The following PPM1E variants were observed in gnomAD, a reference collection of about 807,000 sequenced individuals.
PPM1E encodes protein phosphatase 1E.
In PPM1E, 20 loss-of-function variants were observed where a neutral mutation model predicts 65.9. The ratio of observed to expected loss-of-function variants is 0.30; its 90% CI spans 0.21 to 0.44. The LOEUF (loss-of-function observed/expected upper bound fraction) is 0.44, where lower values mean the gene tolerates loss of function less well. Ranked by LOEUF, PPM1E falls within the 20% of genes least tolerant of loss-of-function variation. The pLI, the probability that PPM1E is intolerant of heterozygous loss-of-function variation, is 1.00. For synonymous variants in PPM1E, 352 were observed against 374.9 expected (o/e 0.94, Z 0.70); for missense variants, 713 against 953.1 (o/e 0.75, Z 3.32).
intron 1 of PPM1E, among the ~76,000 whole-genome samples, chr17:58,896,063 C>T (rs553827131): frequency 2.0e-5 from 3 of 147,190 alleles, no homozygotes; most frequent in Admixed American, 6.8e-5. Context: ...TGCAGTGAGC[C>T]GAGATCACAC....
At chr17:58,860,541 C>T (rs976591511) in intron 1 of PPM1E, among the ~76,000 whole-genome samples, 1 of 152,140 alleles carries the variant, frequency 6.6e-6, no homozygotes, top group African/African-American at 2.4e-5. Context: ...GGGGGTTATG[C>T]CAGATAAAAC....
In PPM1E at chr17:58,755,925, T is replaced by G; in HGVS notation, c.-73T>G. 1 of 1,593,418 alleles carries G rather than the reference T, an allele frequency of 6.3e-7. No individual in the cohort carries two copies. The highest frequency in any genetic ancestry group is 8.6e-7 in the Non-Finnish European group (1 of 1,169,550). On this transcript the variant is annotated 5_prime_UTR_variant, in exon 1 of 7. Coordinates refer to ENST00000308249, the MANE Select transcript of PPM1E (RefSeq NM_014906.5). ...AACCGCCCTTGCCGGAGCCCTAGGC[T>G]CAAAAGCAGCCCCTTACCCTTCCTG...
chr17:58,891,782 A>G (rs908821348), intron 1 of PPM1E, among the ~76,000 whole-genome samples: 2 of 150,250 alleles, frequency 1.3e-5, no homozygotes, highest in African/African-American at 4.9e-5. Flanking sequence ...GGAACATATA[A>G]TGAACCATAT....
Position 58,981,925 on chromosome 17 carries a change from C to A in PPM1E, c.*894C>A, listed in dbSNP as rs773844276. On this transcript the variant is annotated 3_prime_UTR_variant, in exon 7 of 7. Transcript: ENST00000308249. Reference sequence around the variant, plus strand: ...TCAAAATACCATTTACAAAGAAAATCAAAAGCATTTCTATATTTTGTCTTT... The same window carrying A: ...TCAAAATACCATTTACAAAGAAAATAAAAAGCATTTCTATATTTTGTCTTT... 6.6e-6 allele frequency: 1 copy of A among 152,562 alleles called. No individual in the cohort carries two copies. Among genetic ancestry groups the A allele is most frequent in the African/African-American group, 2.4e-5 (1 of 41,416 alleles). 9.5% of individuals were successfully genotyped at this position (152,562 alleles called of 1,614,324 possible).
At chr17:58,777,399 G>C (rs2050004555) in intron 1 of PPM1E, among the ~76,000 whole-genome samples, 1 of 152,188 alleles carries the variant, frequency 6.6e-6, no homozygotes, top group Non-Finnish European at 1.5e-5. Context: ...TTTTACAGGA[G>C]AAAAGATTTC....
At position 58,807,589 on chromosome 17, in the gene PPM1E, A is replaced by C. The variant is rs895950785; in HGVS notation, c.464+51128A>C. On this transcript the variant is annotated intron_variant, in intron 1 of 6. Coordinates refer to ENST00000308249, the MANE Select transcript of PPM1E (RefSeq NM_014906.5). ...AAGTAAGCTGTGTAGTATATGAATGACATATCAATTTTTAAAAAGGCAATG... is the reference window on the plus strand; with the variant it reads ...AAGTAAGCTGTGTAGTATATGAATGCCATATCAATTTTTAAAAAGGCAATG... Among the ~76,000 whole-genome samples, 4 of 152,220 alleles carry C rather than the reference A, an allele frequency of 2.6e-5. No homozygotes were observed. The East Asian group carries it at 7.7e-4, about 29-fold the overall frequency.
At chr17:58,929,568 G>C (rs1223031534) in intron 1 of PPM1E, among the ~76,000 whole-genome samples, 1 of 152,164 alleles carries the variant, frequency 6.6e-6, no homozygotes, top group Non-Finnish European at 1.5e-5. Context: ...CTGATGGATT[G>C]ATCAATAGAT....
intron 1 of PPM1E, among the ~76,000 whole-genome samples, chr17:58,915,989 T>C (rs543997209): frequency 7.2e-4 from 110 of 152,286 alleles, no homozygotes; most frequent in Middle Eastern, 6.8e-3. Context: ...CTTAGAGTTT[T>C]TCCATTTAAA....
intron 1 of PPM1E, among the ~76,000 whole-genome samples, chr17:58,873,002 C>T (rs1234764644): frequency 2.6e-5 from 4 of 152,160 alleles, no homozygotes; most frequent in Admixed American, 6.5e-5. Flanking sequence ...GAACTTGCAG[C>T]GGCATGCTAC....
At chr17:58,795,638 A>C (rs1282566046) in intron 1 of PPM1E, among the ~76,000 whole-genome samples, 1 of 152,222 alleles carries the variant, frequency 6.6e-6, no homozygotes, top group Non-Finnish European at 1.5e-5. Flanking sequence ...CAGGAGGTAG[A>C]GGTTGCAGTG....
chr17:58,970,559 A>G (rs1250941838), intron 4 of PPM1E, among the ~76,000 whole-genome samples: 1 of 152,206 alleles, frequency 6.6e-6, no homozygotes, highest in East Asian at 1.9e-4. Flanking sequence ...TAATCATTTA[A>G]TCCATTTTTT....
intron 1 of PPM1E, among the ~76,000 whole-genome samples, chr17:58,892,420 T>C (rs2051359103): frequency 6.6e-6 from 1 of 151,908 alleles, no homozygotes; most frequent in African/African-American, 2.4e-5. Flanking sequence ...ACAAAAAATT[T>C]AAAGTAGCTA....
intron 1 of PPM1E, among the ~76,000 whole-genome samples, chr17:58,866,169 C>CT (rs1164214935): frequency 1.3e-5 from 2 of 152,222 alleles, no homozygotes; most frequent in East Asian, 3.9e-4. Context: ...TTCAAGTTAG[C>CT]TTTTTTCTTG....
At chr17:58,875,417 G>T (rs929195331) in intron 1 of PPM1E, among the ~76,000 whole-genome samples, 7 of 152,116 alleles carry the variant, frequency 4.6e-5, no homozygotes, top group African/African-American at 1.7e-4. Flanking sequence ...AGTTTGCTTT[G>T]ATCTTTTTTT....
In PPM1E at chr17:58,883,065, CT is replaced by C. The variant is rs1278499513; in HGVS notation, c.465-72583del. Among the ~76,000 whole-genome samples the C allele has an allele frequency of 2.1e-5, 3 of 144,816 alleles. No individual in the cohort carries two copies. In the Admixed American group the frequency reaches 2.2e-4, roughly 11 times the overall value. ...CACCTCACGGGTTCAAGCAATTCTT[CT>C]GCCTCAGCCTCCCAAACTAGCTGGG... On this transcript the variant is annotated intron_variant, in intron 1 of 6. Transcript: ENST00000308249.
chr17:58,792,743 C>CTTTTTTTTTTTTTTTTTTTTTT (rs780992600), intron 1 of PPM1E, among the ~76,000 whole-genome samples: 2 of 76,382 alleles, frequency 2.6e-5, no homozygotes, highest in African/African-American at 6.4e-5. Flanking sequence ...GAATTTTACT[C>CTTTTTTTTTTTTTTTTTTTTTT]TTTTTTTTTT....
chr17:58,935,993 C>G (rs1007723423), intron 1 of PPM1E, among the ~76,000 whole-genome samples: 1 of 150,798 alleles, frequency 6.6e-6, no homozygotes, highest in African/African-American at 2.4e-5. Flanking sequence ...CACAACAGTC[C>G]TCAGAGTGTG....
At chr17:58,804,410 T>C (rs2143065081) in intron 1 of PPM1E, among the ~76,000 whole-genome samples, 2 of 152,342 alleles carry the variant, frequency 1.3e-5, no homozygotes, top group South Asian at 4.1e-4. Flanking sequence ...ATGCTCTTTT[T>C]TTCTTCCTAC....
chr17:58,789,178 A>G (rs552313870), intron 1 of PPM1E, among the ~76,000 whole-genome samples: 8 of 152,318 alleles, frequency 5.3e-5, no homozygotes, highest in Admixed American at 4.6e-4. Flanking sequence ...CTCCAGCTCT[A>G]CACTGTTACC....
Sources: gnomAD v4.1 joint callset for allele counts (sites outside exome capture counted in the v4.1 genomes callset) on GRCh38, gnomAD v4.1.1 for gene constraint, MANE v1.5 for transcripts, NCBI Gene and HGNC (gene_info 2026-07-23, HGNC 2026-07-21) for gene names.